PDRG1: variants seen among roughly 807,000 people sequenced by gnomAD.
The protein encoded by PDRG1 is p53 and DNA damage-regulated protein 1.
PDRG1 carries 14 observed loss-of-function variants against 18.4 expected under a neutral mutation model. The observed-to-expected ratio is 0.76, with a 90% CI of 0.50 to 1.19. PDRG1 has a LOEUF of 1.19. Ranked by LOEUF, PDRG1 falls within the 50% of genes most tolerant of loss-of-function variation. PDRG1 has a pLI of 0.00. For missense variants in PDRG1, 177 were observed against 160.1 expected (o/e 1.11, Z -0.57); for synonymous variants, 65 against 60.9 (o/e 1.07, Z -0.31).
intron 2 of PDRG1, among the ~76,000 whole-genome samples, chr20:31,949,888 T>C (rs1484951956): frequency 2.6e-5 from 4 of 152,208 alleles, no homozygotes; most frequent in African/African-American, 9.6e-5. Flanking sequence ...CCACAGCCAC[T>C]TGGCCTCATC....
At chr20:31,951,267 C>T (rs1319771247) in intron 1 of PDRG1, among the ~76,000 whole-genome samples, 3 of 152,178 alleles carry the variant, frequency 2.0e-5, no homozygotes, top group Admixed American at 2.0e-4. Context: ...CTTCTCTCCA[C>T]CACCACTACC....
rs540441587 is a variant in PDRG1, at chr20:31,947,588, G to C, written c.239-1012C>G. On this transcript the variant is annotated intron_variant, in intron 3 of 4. Transcript: ENST00000202017. ...TTCTCCAGGCTGGATATAGCTTCCTGTTAGTAGTTTTATGTCACTGGCCAG... is the reference window on the plus strand; with the variant it reads ...TTCTCCAGGCTGGATATAGCTTCCTCTTAGTAGTTTTATGTCACTGGCCAG... Among the ~76,000 whole-genome samples the C allele has an allele frequency of 2.0e-5, 3 of 152,282 alleles. No homozygotes were observed. The East Asian group carries it at 5.8e-4, about 29-fold the overall frequency.
At position 31,944,584 on chromosome 20, in the gene PDRG1, T is replaced by C. The variant is rs962363782; in HGVS notation, c.*1223A>G. On this transcript the variant is annotated 3_prime_UTR_variant, in exon 5 of 5. Coordinates refer to ENST00000202017, the MANE Select transcript of PDRG1 (RefSeq NM_030815.3). ...GATGTATCTTGGAGCTTGTTCCTTA[T>C]TCTTGATTATAGTTGTATGGTATTG... 6.6e-6 allele frequency: 1 copy of C among 152,278 alleles called. No individual in the cohort carries two copies. The highest frequency in any genetic ancestry group is 1.5e-5 in the Non-Finnish European group (1 of 68,084). The allele number at this position is 152,278 out of a possible 1,614,324, so 9.4% of individuals were successfully genotyped here. A position where few individuals can be genotyped will look rare whatever the true frequency, so the allele number is the denominator to read the frequency against.
intron 4 of PDRG1, 97 bp downstream of exon 4, chr20:31,946,399 G>A (rs1040992529): frequency 9.5e-6 from 11 of 1,162,116 alleles, no homozygotes; most frequent in African/African-American, 1.5e-5. Context: ...CCCGGACACT[G>A]CCCATCTCTG....
chr20:31,950,781 A>T (rs781377997), intron 1 of PDRG1, among the ~76,000 whole-genome samples: 2 of 152,158 alleles, frequency 1.3e-5, no homozygotes, highest in African/African-American at 2.4e-5. Flanking sequence ...TGAGAAACCC[A>T]ACAATACTAG....
Position 31,948,676 on chromosome 20 carries a change from C to T in PDRG1, c.238+132G>A, listed in dbSNP as rs191520040. The T allele has an allele frequency of 5.8e-5, 45 of 778,698 alleles. No homozygotes were observed. The Admixed American group carries it at 9.0e-4, about 16-fold the overall frequency. 48.2% of individuals were successfully genotyped at this position (778,698 alleles called of 1,614,324 possible). ...ACAGTGGCAGAGGTGGAATTAAAAC[C>T]CACAGCAGTCTGAACCCTGTGACAG... On this transcript the variant is annotated intron_variant, in intron 3 of 4. Coordinates refer to ENST00000202017, the MANE Select transcript of PDRG1 (RefSeq NM_030815.3).
intron 2 of PDRG1, among the ~76,000 whole-genome samples, chr20:31,949,812 C>T (rs760415298): frequency 3.3e-5 from 5 of 152,146 alleles, no homozygotes; most frequent in Non-Finnish European, 7.3e-5. Flanking sequence ...GCCCCCAAGA[C>T]CTTTCATTAT....
intron 2 of PDRG1, among the ~76,000 whole-genome samples, chr20:31,949,130 G>C (rs896211556): frequency 6.6e-6 from 1 of 152,220 alleles, no homozygotes; most frequent in Non-Finnish European, 1.5e-5. Flanking sequence ...ATAGCAGGTA[G>C]TCTGAGAAGG....
At chr20:31,951,379 A>C (rs1325438200) in intron 1 of PDRG1, among the ~76,000 whole-genome samples, 2 of 152,070 alleles carry the variant, frequency 1.3e-5, no homozygotes, top group Non-Finnish European at 2.9e-5. Context: ...CACAGCAGCC[A>C]GGGGGGATCC....
At chr20:31,948,124 T>C (rs972351735) in intron 3 of PDRG1, among the ~76,000 whole-genome samples, 14 of 152,224 alleles carry the variant, frequency 9.2e-5, no homozygotes, top group Admixed American at 8.5e-4. Flanking sequence ...GCCTAGGCTA[T>C]GGCAGACCCT....
In PDRG1 at chr20:31,945,626, C is replaced by T. The variant is rs565262947; in HGVS notation, c.*181G>A. The T allele has an allele frequency of 1.3e-5, 7 of 519,868 alleles. No individual in the cohort carries two copies. The South Asian group carries it at 1.8e-4, about 14-fold the overall frequency. The allele number at this position is 519,868 out of a possible 1,614,324, so 32.2% of individuals were successfully genotyped here. A position where few individuals can be genotyped will look rare whatever the true frequency, so the allele number is the denominator to read the frequency against. ...TGTCCAGGTCCAGCAGCCAGACAGG[C>T]TGAAGGTTCCCTCCTGCCATCACAG... On this transcript the variant is annotated 3_prime_UTR_variant, in exon 5 of 5. Transcript: ENST00000202017.
At chr20:31,951,832 G>C (rs2064354333) in intron 1 of PDRG1, 43 bp downstream of exon 1, 1 of 1,523,854 alleles carries the variant, frequency 6.6e-7, no homozygotes, top group African/African-American at 1.4e-5. Context: ...GCTTTCCCAC[G>C]GCGCCGGCCG....
At chr20:31,946,238 G>A (rs114073596) in intron 4 of PDRG1, among the ~76,000 whole-genome samples, 5 of 152,134 alleles carry the variant, frequency 3.3e-5, no homozygotes, top group Non-Finnish European at 5.9e-5. Context: ...GCCATGCCCC[G>A]ATGTATAACG....
rs534064528 is a variant in PDRG1, at chr20:31,948,863, G to A, written c.183C>T (p.Phe61=). 39 of 1,613,722 alleles carry A rather than the reference G, an allele frequency of 2.4e-5. No individual in the cohort carries two copies. Among genetic ancestry groups the A allele is most frequent in the African/African-American group, 2.4e-4 (18 of 75,008 alleles). The change falls in exon 3 of 5, where the codon TTC becomes TTT. Residue 61 remains phenylalanine (F), a synonymous_variant. Transcript: ENST00000202017. ...GAGGCATCTTGATAAACATGTTCCC[G>A]AAGCAAACCATCACATCTTCTGAAA... ...LSLSEDVMVC[F]GNMFIKMPHP...
At chr20:31,951,521 AAGGCCCCCTC>A (rs1404196710) in intron 1 of PDRG1, among the ~76,000 whole-genome samples, 4 of 152,012 alleles carry the variant, frequency 2.6e-5, no homozygotes, top group Non-Finnish European at 5.9e-5. Flanking sequence ...GCCCGGTCAC[AAGGCCCCCTC>A]AGGCTTCTTT....
At chr20:31,949,232 G>T (rs2064337040) in intron 2 of PDRG1, among the ~76,000 whole-genome samples, 2 of 152,302 alleles carry the variant, frequency 1.3e-5, no homozygotes, top group South Asian at 4.2e-4. Context: ...GCCAAACAGA[G>T]GAAACAACAG....
At chr20:31,946,447 G>C in intron 4 of PDRG1, 49 bp downstream of exon 4, 2 of 1,503,048 alleles carry the variant, frequency 1.3e-6, no homozygotes, top group Non-Finnish European at 1.9e-6. Context: ...CAAAGTCCAT[G>C]CTGATGATTC....
At chr20:31,951,451 G>C (rs1191140927) in intron 1 of PDRG1, among the ~76,000 whole-genome samples, 1 of 151,970 alleles carries the variant, frequency 6.6e-6, no homozygotes, top group Non-Finnish European at 1.5e-5. Flanking sequence ...TCAAAAACTT[G>C]GCACTTAAAA....
At chr20:31,948,531 C>T (rs555547519) in intron 3 of PDRG1, among the ~76,000 whole-genome samples, 50 of 152,348 alleles carry the variant, frequency 3.3e-4, no homozygotes, top group African/African-American at 1.1e-3. Context: ...TTGTTATCTG[C>T]AGCCCAACTG....
Sources: gnomAD v4.1 joint callset for allele counts (sites outside exome capture counted in the v4.1 genomes callset) on GRCh38, gnomAD v4.1.1 for gene constraint, MANE v1.5 for transcripts, NCBI Gene and HGNC (gene_info 2026-07-23, HGNC 2026-07-21) for gene names.